Variants in CTNND2 observed in about 807,000 individuals in gnomAD.
CTNND2 encodes the protein catenin delta-2.
A neutral mutation model predicts 144.4 loss-of-function variants in CTNND2; 22 were observed. The ratio of observed to expected loss-of-function variants is 0.15; its 90% CI spans 0.11 to 0.22. The LOEUF (loss-of-function observed/expected upper bound fraction) is 0.22, where lower values mean the gene tolerates loss of function less well. Ranked by LOEUF, CTNND2 falls within the 10% of genes least tolerant of loss-of-function variation. The pLI is 1.00. For missense variants in CTNND2, 1,353 were observed against 1,618.8 expected, an observed-to-expected ratio of 0.84 and a Z score of 2.82; for synonymous variants, 751 against 695.6, an observed-to-expected ratio of 1.08 and a Z score of -1.25.
At chr5:11,822,668 T>C (rs1055141505) in intron 1 of CTNND2, among the ~76,000 whole-genome samples, 6 of 152,092 alleles carry the variant, frequency 3.9e-5, no homozygotes, top group Non-Finnish European at 8.8e-5. Context: ...TTTCACACTT[T>C]GAAAAGTGAG....
intron 6 of CTNND2, among the ~76,000 whole-genome samples, chr5:11,385,549 T>C (rs567688693): frequency 3.2e-4 from 49 of 152,312 alleles, no homozygotes; most frequent in Middle Eastern, 3.4e-3. Flanking sequence ...TAAAGATTTT[T>C]AAAGCCCCAC....
intron 1 of CTNND2, among the ~76,000 whole-genome samples, chr5:11,751,720 G>T (rs1039880276): frequency 6.6e-6 from 1 of 151,920 alleles, no homozygotes; most frequent in Non-Finnish European, 1.5e-5. Flanking sequence ...ATTCCTTTGG[G>T]AATATACCCA....
At chr5:11,764,820 A>G (rs1265726476) in intron 1 of CTNND2, among the ~76,000 whole-genome samples, 3 of 152,158 alleles carry the variant, frequency 2.0e-5, no homozygotes, top group Admixed American at 2.0e-4. Context: ...TAAACAACAA[A>G]ACCAGTTTCT....
chr5:11,111,023 G>A lies in CTNND2; in HGVS notation c.2298C>T (p.Cys766=). The A allele has an allele frequency of 6.2e-7, 1 of 1,613,966 alleles. No individual in the cohort carries two copies. Among genetic ancestry groups the A allele is most frequent in the Non-Finnish European group, 8.5e-7 (1 of 1,179,926 alleles). Residue 766 remains cysteine (C), a synonymous_variant, in exon 14 of 22, where the codon TGC becomes TGT. Coordinates refer to ENST00000304623, the MANE Select transcript of CTNND2 (RefSeq NM_001332.4). ...IDSKTVENCV[C]ILRNLSYRLA... ...GCCGGTACGAGAGGTTCCTTAAAAT[G>A]CACACACAGTTTTCAACGGTCTGCA...
At chr5:11,331,688 C>T (rs1479255021) in intron 9 of CTNND2, among the ~76,000 whole-genome samples, 3 of 152,186 alleles carry the variant, frequency 2.0e-5, no homozygotes, top group East Asian at 3.9e-4. Flanking sequence ...ATATCTAAAA[C>T]CCCAAGGCGA....
chr5:11,903,444 C>A lies in CTNND2; in HGVS notation c.37+373G>T. 1 of 905,002 alleles carries A rather than the reference C, an allele frequency of 1.1e-6. No homozygotes were observed. Among genetic ancestry groups the A allele is most frequent in the Non-Finnish European group, 1.3e-6 (1 of 742,746 alleles). The allele number at this position is 905,002 out of a possible 1,614,324, so 56.1% of individuals were successfully genotyped here. On this transcript the variant is annotated intron_variant, in intron 1 of 21. Coordinates refer to ENST00000304623, the MANE Select transcript of CTNND2 (RefSeq NM_001332.4). This position sits in a 1 kb window ranked among gnomAD's most constrained non-coding sequence, Gnocchi z 5.4. ...AGTCCTCCCCACCCCCACCCCGTCT[C>A]CTCCCGTATATTAGGGACGTCATGA...
chr5:11,496,815 T>G (rs1243761648), intron 3 of CTNND2, among the ~76,000 whole-genome samples: 1 of 152,148 alleles, frequency 6.6e-6, no homozygotes, highest in African/African-American at 2.4e-5. Context: ...GCTTATAAGG[T>G]TCTTCAACAT....
At position 11,168,162 on chromosome 5, in the gene CTNND2, C is replaced by A. The variant is rs113875877; in HGVS notation, c.1976-8403G>T. 2.6e-3 allele frequency among the ~76,000 whole-genome samples: 391 copies of A among 152,196 alleles called. 1 individual carries two copies. The highest frequency in any genetic ancestry group is 8.9e-3 in the African/African-American group (369 of 41,532). Reference sequence around the variant, plus strand: ...ATCAAAACTCAGATGTATCTATGATCTCTCTTTTCATTCTAAAATGGAGTA... The same window carrying A: ...ATCAAAACTCAGATGTATCTATGATATCTCTTTTCATTCTAAAATGGAGTA... On this transcript the variant is annotated intron_variant, in intron 11 of 21. Coordinates refer to ENST00000304623, the MANE Select transcript of CTNND2 (RefSeq NM_001332.4).
At chr5:11,143,013 T>C (rs1756894825) in intron 12 of CTNND2, among the ~76,000 whole-genome samples, 1 of 152,178 alleles carries the variant, frequency 6.6e-6, no homozygotes, top group African/African-American at 2.4e-5. Context: ...GTGTGATGCA[T>C]GCAGGAGCCA....
At position 11,673,516 on chromosome 5, in the gene CTNND2, T is replaced by C. The variant is rs535803155; in HGVS notation, c.174+58620A>G. ...ATGATTATGCATAAGTTTTGGGTTT[T>C]ATGAGTTAAAATTAATTTGTGACAT... On this transcript the variant is annotated intron_variant, in intron 2 of 21. Coordinates refer to ENST00000304623, the MANE Select transcript of CTNND2 (RefSeq NM_001332.4). 7.2e-5 allele frequency among the ~76,000 whole-genome samples: 11 copies of C among 152,324 alleles called. No homozygotes were observed. In the South Asian group the frequency reaches 2.3e-3, roughly 32 times the overall value.
chr5:11,558,762 T>C (rs538136427), intron 3 of CTNND2, among the ~76,000 whole-genome samples: 21 of 152,272 alleles, frequency 1.4e-4, no homozygotes, highest in African/African-American at 4.6e-4. Context: ...ACATGGAGTT[T>C]GGAACCTGTG....
intron 18 of CTNND2, among the ~76,000 whole-genome samples, chr5:10,993,972 A>G (rs1008908099): frequency 9.9e-5 from 15 of 151,970 alleles, no homozygotes; most frequent in Admixed American, 7.2e-4. Flanking sequence ...GCCAATGTAA[A>G]GTGGGAACAG....
At chr5:11,485,372 TGTGCGC>T (rs1363314850) in intron 3 of CTNND2, among the ~76,000 whole-genome samples, 9 of 125,712 alleles carry the variant, frequency 7.2e-5, no homozygotes, top group African/African-American at 2.4e-4. Context: ...TGTGTGTGTG[TGTGCGC>T]GCGCGCGCGT....
intron 9 of CTNND2, among the ~76,000 whole-genome samples, chr5:11,298,733 A>T (rs1003148482): frequency 6.6e-6 from 1 of 152,196 alleles, no homozygotes; most frequent in Non-Finnish European, 1.5e-5. Context: ...TCAGTATAGA[A>T]ATGTGGCGTG....
intron 1 of CTNND2, among the ~76,000 whole-genome samples, chr5:11,853,845 T>C (rs1012733729): frequency 1.3e-5 from 2 of 152,186 alleles, no homozygotes; most frequent in African/African-American, 4.8e-5. Context: ...GCCACCTCCA[T>C]TGTTCTCTCC....
In CTNND2 at chr5:11,808,009, T is replaced by G. The variant is rs139526069; in HGVS notation, c.38-75737A>C. Reference sequence around the variant, plus strand: ...TAGTGGCTCCCTACAATAGAACTTCTCATCAGATGGAGGGTACCACAAGAC... The same window carrying G: ...TAGTGGCTCCCTACAATAGAACTTCGCATCAGATGGAGGGTACCACAAGAC... On this transcript the variant is annotated intron_variant, in intron 1 of 21. Transcript: ENST00000304623. 1.2e-3 allele frequency among the ~76,000 whole-genome samples: 187 copies of G among 152,216 alleles called. 1 individual carries two copies. Among genetic ancestry groups the G allele is most frequent in the African/African-American group, 4.5e-3 (185 of 41,540 alleles).
chr5:11,679,688 G>A (rs905045621), intron 2 of CTNND2, among the ~76,000 whole-genome samples: 1 of 152,166 alleles, frequency 6.6e-6, no homozygotes, highest in Admixed American at 6.5e-5. Context: ...ACCCAAATAT[G>A]TTAAAGTCTC....
chr5:11,477,321 G>A (rs1767837930), intron 3 of CTNND2, among the ~76,000 whole-genome samples: 1 of 150,680 alleles, frequency 6.6e-6, no homozygotes, highest in African/African-American at 2.4e-5. Flanking sequence ...AGACACAGCA[G>A]ACATATACCT....
chr5:10,997,705 A>C (rs547653602), intron 18 of CTNND2, among the ~76,000 whole-genome samples: 1 of 152,306 alleles, frequency 6.6e-6, no homozygotes, highest in Non-Finnish European at 1.5e-5. Flanking sequence ...GTCTCATTGC[A>C]ATGTAGAAGG....
Sources: allele counts gnomAD v4.1 joint callset (sites outside exome capture counted in the v4.1 genomes callset), GRCh38; gene constraint gnomAD v4.1.1; non-coding constraint Gnocchi (gnomAD v3.1); transcripts MANE v1.5; gene names NCBI Gene and HGNC (gene_info 2026-07-23, HGNC 2026-07-21).